MAP4K3: variants seen among roughly 807,000 people sequenced by gnomAD.
MAP4K3 encodes MAPK/ERK kinase kinase kinase 3.
MAP4K3 carries 94 observed loss-of-function variants against 143.5 expected under a neutral mutation model. That is an observed-to-expected ratio of 0.65 (90% CI 0.55 to 0.78). MAP4K3 has a LOEUF of 0.78. Among genes scored for constraint, MAP4K3 ranks in the 30% least tolerant of loss-of-function variants. The pLI is 0.00. For synonymous variants in MAP4K3, 416 were observed against 347.2 expected (o/e 1.20, Z -2.20); for missense variants, 1,077 against 1,068.1 (o/e 1.01, Z -0.12).
chr2:39,378,151 T>C, intron 1 of MAP4K3, 28 bp from the exon 2 acceptor site: 1 of 1,341,172 alleles, frequency 7.5e-7, no homozygotes, highest in Non-Finnish European at 1.0e-6. Flanking sequence ...AAAGGATTAT[T>C]GTGAAGAAAG....
intron 6 of MAP4K3, among the ~76,000 whole-genome samples, chr2:39,335,251 T>C (rs1386617892): frequency 6.6e-6 from 1 of 152,114 alleles, no homozygotes; most frequent in African/African-American, 2.4e-5. Flanking sequence ...AGTGATAAGA[T>C]ATGGTTGAAA....
chr2:39,398,369 TAAAG>T (rs1050091423), intron 1 of MAP4K3, among the ~76,000 whole-genome samples: 10 of 151,792 alleles, frequency 6.6e-5, no homozygotes, highest in African/African-American at 1.7e-4. Context: ...GGAATAAAAA[TAAAG>T]AAACCAGGGT....
At chr2:39,390,460 A>C (rs1008788704) in intron 1 of MAP4K3, among the ~76,000 whole-genome samples, 4 of 152,224 alleles carry the variant, frequency 2.6e-5, no homozygotes, top group Non-Finnish European at 5.9e-5. Flanking sequence ...GAGCCCCAGG[A>C]ACCTATGGTT....
chr2:39,421,535 TTG>T (rs1312049296), intron 1 of MAP4K3, among the ~76,000 whole-genome samples: 1 of 152,132 alleles, frequency 6.6e-6, no homozygotes, highest in African/African-American at 2.4e-5. Context: ...ACCTTTCTTT[TTG>T]TGTCTCAGTT....
intron 15 of MAP4K3, among the ~76,000 whole-genome samples, chr2:39,301,966 G>C (rs1170186238): frequency 6.6e-6 from 1 of 151,998 alleles, no homozygotes; most frequent in Admixed American, 6.5e-5. Context: ...GGAGGTTGCA[G>C]TGAGCCAACA....
At chr2:39,336,151 C>T (rs1664949558) in intron 6 of MAP4K3, among the ~76,000 whole-genome samples, 1 of 152,146 alleles carries the variant, frequency 6.6e-6, no homozygotes, top group African/African-American at 2.4e-5. Flanking sequence ...AGAGCACCTG[C>T]TCTCCTTTGC....
intron 1 of MAP4K3, among the ~76,000 whole-genome samples, chr2:39,428,545 G>T (rs1385098510): frequency 1.3e-5 from 2 of 151,636 alleles, no homozygotes; most frequent in African/African-American, 4.8e-5. Context: ...GCGTGGTGAC[G>T]GGTGCCTGTA....
intron 12 of MAP4K3, among the ~76,000 whole-genome samples, chr2:39,318,317 T>C (rs1379831834): frequency 6.6e-6 from 1 of 152,098 alleles, no homozygotes; most frequent in Non-Finnish European, 1.5e-5. Flanking sequence ...GACAAAAGAA[T>C]ATGTACATGA....
At chr2:39,256,049 G>T (rs562250649) in intron 31 of MAP4K3, among the ~76,000 whole-genome samples, 1 of 152,038 alleles carries the variant, frequency 6.6e-6, no homozygotes. Flanking sequence ...AAAATGTTTG[G>T]ATTTCATTTA....
chr2:39,378,260 C>T lies in MAP4K3; in HGVS notation c.97-137G>A. ...GCAAATGTAATTTATATTTACAAAA[C>T]AAATAGTTTTTCCTTCACAATAAAT... On this transcript the variant is annotated intron_variant, in intron 1 of 33. Transcript: ENST00000263881. 3.5e-6 allele frequency: 2 copies of T among 572,546 alleles called. 1 individual carries two copies. The highest frequency in any genetic ancestry group is 5.0e-5 in the South Asian group (2 of 40,212). 35.5% of individuals were successfully genotyped at this position (572,546 alleles called of 1,614,324 possible).
At chr2:39,299,679 A>G (rs1034818054) in intron 16 of MAP4K3, 64 bp downstream of exon 16, 8 of 826,140 alleles carry the variant, frequency 9.7e-6, no homozygotes, top group African/African-American at 5.3e-5. Context: ...ATATTAAAAT[A>G]TAATATTAAA....
intron 22 of MAP4K3, among the ~76,000 whole-genome samples, chr2:39,280,986 T>G (rs1425489258): frequency 6.6e-6 from 1 of 152,186 alleles, no homozygotes; most frequent in East Asian, 1.9e-4. Flanking sequence ...AATAAATATA[T>G]CATAATGAAA....
intron 22 of MAP4K3, among the ~76,000 whole-genome samples, chr2:39,281,024 T>A (rs1315354614): frequency 1.3e-5 from 2 of 152,162 alleles, no homozygotes; most frequent in Non-Finnish European, 2.9e-5. Context: ...CTTTATATTA[T>A]CAAAGAGCAA....
In MAP4K3 at chr2:39,249,461, G is replaced by A. The variant is rs547447004; in HGVS notation, c.*1157C>T. On this transcript the variant is annotated 3_prime_UTR_variant, in exon 34 of 34. Coordinates refer to ENST00000263881, the MANE Select transcript of MAP4K3 (RefSeq NM_003618.4). The stretch of plus-strand genomic sequence containing the variant: ...AAAAGTGTGCATTTTGCTAAAACCT[G>A]GTATATACATATTCCATTGGAAAAA... 1 of 152,362 alleles carries A rather than the reference G, an allele frequency of 6.6e-6. No homozygotes were observed. Among genetic ancestry groups the A allele is most frequent in the Non-Finnish European group, 1.5e-5 (1 of 67,954 alleles). The allele number at this position is 152,362 out of a possible 1,614,324, so 9.4% of individuals were successfully genotyped here.
chr2:39,343,263 C>A, intron 4 of MAP4K3, 125 bp downstream of exon 4: 1 of 583,522 alleles, frequency 1.7e-6, no homozygotes, highest in South Asian at 3.2e-5. Context: ...CTTTATATAG[C>A]CAAACAATAT....
At chr2:39,331,638 GAA>G (rs150559112) in intron 8 of MAP4K3, among the ~76,000 whole-genome samples, 31 of 152,200 alleles carry the variant, frequency 2.0e-4, no homozygotes, top group Non-Finnish European at 3.4e-4. Flanking sequence ...AAATGTACAG[GAA>G]AAAGAGTCAG....
At chr2:39,292,627 G>T (rs1241965015) in intron 18 of MAP4K3, 146 bp downstream of exon 18, 4 of 714,506 alleles carry the variant, frequency 5.6e-6, no homozygotes, top group Non-Finnish European at 1.0e-5. Flanking sequence ...AATGTAACTA[G>T]AATAGAAAAA....
chr2:39,380,433 A>G lies in MAP4K3; in HGVS notation c.97-2310T>C, dbSNP rs375032580. Among the ~76,000 whole-genome samples the G allele has an allele frequency of 1.4e-4, 22 of 152,280 alleles. No individual in the cohort carries two copies. In the East Asian group the frequency reaches 2.3e-3, roughly 16 times the overall value. On this transcript the variant is annotated intron_variant, in intron 1 of 33. Coordinates refer to ENST00000263881, the MANE Select transcript of MAP4K3 (RefSeq NM_003618.4). ...AAAGGTAAATTTAAAAGTCAATATT[A>G]TCTCTAACATTCTGCAACTGCTATT... is the stretch of plus-strand genomic sequence containing the variant.
chr2:39,369,384 T>G (rs922949329), intron 2 of MAP4K3, among the ~76,000 whole-genome samples: 2 of 151,942 alleles, frequency 1.3e-5, no homozygotes, highest in African/African-American at 4.8e-5. Context: ...TGACCTCAGC[T>G]GATCTGCCCG....
Sources: gnomAD v4.1 joint callset for allele counts (sites outside exome capture counted in the v4.1 genomes callset) on GRCh38, gnomAD v4.1.1 for gene constraint, MANE v1.5 for transcripts, NCBI Gene and HGNC (gene_info 2026-07-23, HGNC 2026-07-21) for gene names.